The following RSBN1L variants were observed in gnomAD, a reference collection of about 807,000 sequenced individuals.
The protein encoded by RSBN1L is lysine-specific demethylase RSBN1L.
A neutral mutation model predicts 67.7 loss-of-function variants in RSBN1L; 30 were observed. The observed-to-expected ratio is 0.44, with a 90% confidence interval of 0.33 to 0.60. The LOEUF is 0.60. Among genes scored for constraint, RSBN1L ranks in the 20% least tolerant of loss-of-function variants. The pLI is 0.02. For missense variants in RSBN1L, 992 were observed against 1,031.7 expected (o/e 0.96, Z 0.53); for synonymous variants, 433 against 387.0 (o/e 1.12, Z -1.39).
intron 1 of RSBN1L, among the ~76,000 whole-genome samples, chr7:77,707,723 T>C (rs1790914202): frequency 6.6e-6 from 1 of 152,228 alleles, no homozygotes; most frequent in Non-Finnish European, 1.5e-5. Flanking sequence ...CAAGCACTTC[T>C]TTCTTTTTTT....
At chr7:77,725,236 GCCC>G (rs1325515624) in intron 1 of RSBN1L, among the ~76,000 whole-genome samples, 1 of 84,532 alleles carries the variant, frequency 1.2e-5, no homozygotes, top group Non-Finnish European at 2.4e-5. Flanking sequence ...CTAGGGATAA[GCCC>G]CCCACTTTTT....
chr7:77,723,166 A>G (rs971461919), intron 1 of RSBN1L, among the ~76,000 whole-genome samples: 14 of 151,840 alleles, frequency 9.2e-5, no homozygotes, highest in African/African-American at 3.1e-4. Flanking sequence ...GGGTTTCACT[A>G]TGTTGGCCAG....
chr7:77,761,730 G>A (rs1362608195), intron 3 of RSBN1L, among the ~76,000 whole-genome samples: 1 of 152,034 alleles, frequency 6.6e-6, no homozygotes, highest in Non-Finnish European at 1.5e-5. Flanking sequence ...TAAGTTAATG[G>A]TTACAACTGA....
chr7:77,705,508 T>C (rs1406535323), intron 1 of RSBN1L, among the ~76,000 whole-genome samples: 2 of 129,274 alleles, frequency 1.5e-5, no homozygotes, highest in Non-Finnish European at 3.2e-5. Flanking sequence ...TCCATTGTAA[T>C]GGTTTTTTTT....
Position 77,778,705 on chromosome 7 carries a change from A to G in RSBN1L, c.2078A>G (p.Tyr693Cys). 1.9e-6 allele frequency: 3 copies of G among 1,614,112 alleles called. No homozygotes were observed. Among genetic ancestry groups the G allele is most frequent in the Middle Eastern group, 3.3e-4 (2 of 6,060 alleles). The stretch of plus-strand genomic sequence containing the variant: ...GCATGGCATATTCGGCTCAAATTAT[A>G]TCACTCAGAGGAGGACACTTCTCAG... ...SLAWHIRLKL[Y>C]HSEEDTSQNT... Residue 693 changes from tyrosine to cysteine, a missense_variant, in exon 8 of 8, where the codon TAT becomes TGT. Transcript: ENST00000334955.
intron 3 of RSBN1L, among the ~76,000 whole-genome samples, chr7:77,758,851 G>A (rs115651347): frequency 0.019 from 2,943 of 152,264 alleles, 82 homozygotes; most frequent in African/African-American, 0.066. Context: ...TTAGATTTCT[G>A]TCTTGTCACT....
intron 6 of RSBN1L, among the ~76,000 whole-genome samples, chr7:77,774,524 C>G (rs1310716623): frequency 3.9e-5 from 6 of 152,144 alleles, no homozygotes; most frequent in Admixed American, 3.9e-4. Flanking sequence ...GTCAGGAGTT[C>G]AACACCAGCC....
In RSBN1L at chr7:77,696,622, G is replaced by A; in HGVS notation, c.153G>A (p.Lys51=). The A allele has an allele frequency of 1.2e-6, 2 of 1,614,066 alleles. No individual in the cohort carries two copies. The highest frequency in any genetic ancestry group is 8.5e-7 in the Non-Finnish European group (1 of 1,179,968). Residue 51 remains lysine (K), a synonymous_variant, in exon 1 of 8, where the codon AAG becomes AAA. Coordinates refer to ENST00000334955, the MANE Select transcript of RSBN1L (RefSeq NM_198467.3). ...AGAAGGTCCGGACTGAGGAGAAGAA[G>A]GCACCGCGGAGAGTGAACGGAGAAG... ...SAKKVRTEEK[K]APRRVNGEGG...
At chr7:77,771,256 TA>T (rs1791845444) in intron 5 of RSBN1L, among the ~76,000 whole-genome samples, 1 of 152,156 alleles carries the variant, frequency 6.6e-6, no homozygotes, top group African/African-American at 2.4e-5. Context: ...TTAGATTACC[TA>T]AAGACGGTTT....
intron 3 of RSBN1L, among the ~76,000 whole-genome samples, chr7:77,763,477 T>C (rs531170445): frequency 5.2e-4 from 79 of 152,208 alleles, no homozygotes; most frequent in Admixed American, 2.3e-3. Flanking sequence ...GAGTTGAGAT[T>C]GATACCCTTA....
Position 77,696,519 on chromosome 7 carries a change from C to A in RSBN1L, c.50C>A (p.Thr17Asn), listed in dbSNP as rs565275242. Residue 17 changes from threonine to asparagine, a missense_variant, in exon 1 of 8, where the codon ACC becomes AAC. Thr to Asn is a moderately conservative substitution (Grantham distance 65). Transcript: ENST00000334955. ...CACTGTGTCGCTGCCGCGGCCCCCACCGCCACCGTCTCGGAGAAAGAACCG... is the reference window on the plus strand; with the variant it reads ...CACTGTGTCGCTGCCGCGGCCCCCAACGCCACCGTCTCGGAGAAAGAACCG... ...PVHCVAAAAP[T>N]ATVSEKEPFG... 70 of 1,613,778 alleles carry A rather than the reference C, an allele frequency of 4.3e-5. No homozygotes were observed. In the South Asian group the frequency reaches 7.5e-4, roughly 17 times the overall value.
At chr7:77,773,991 A>G (rs1791879456) in intron 6 of RSBN1L, among the ~76,000 whole-genome samples, 1 of 152,176 alleles carries the variant, frequency 6.6e-6, no homozygotes, top group Non-Finnish European at 1.5e-5. Flanking sequence ...GGGCTGTCAA[A>G]TAATTTTTTT....
chr7:77,720,872 T>G (rs995893813), intron 1 of RSBN1L, among the ~76,000 whole-genome samples: 4 of 144,126 alleles, frequency 2.8e-5, no homozygotes, highest in Non-Finnish European at 6.0e-5. Context: ...TTCTCATCCC[T>G]CAGCCTCCTG....
chr7:77,774,393 G>A (rs181541768), intron 6 of RSBN1L, among the ~76,000 whole-genome samples: 4 of 152,172 alleles, frequency 2.6e-5, no homozygotes, highest in Admixed American at 6.5e-5. Flanking sequence ...TTCGAGACCA[G>A]CCTGGACAAC....
chr7:77,756,545 G>A (rs1791620998), intron 3 of RSBN1L, among the ~76,000 whole-genome samples: 1 of 152,144 alleles, frequency 6.6e-6, no homozygotes, highest in Non-Finnish European at 1.5e-5. Context: ...GGGAGGCTGA[G>A]CTGGGCGGAT....
At chr7:77,697,619 C>T (rs188677064) in intron 1 of RSBN1L, among the ~76,000 whole-genome samples, 34 of 152,212 alleles carry the variant, frequency 2.2e-4, no homozygotes, top group Non-Finnish European at 4.3e-4. Context: ...TCGTAAGGTA[C>T]CCTCCCTGCA....
rs1790740140 is a variant in RSBN1L at position 77,696,924 on chromosome 7, C to T, written c.455C>T (p.Ser152Leu). 1 of 1,602,188 alleles carries T rather than the reference C, an allele frequency of 6.2e-7. No homozygotes were observed. The highest frequency in any genetic ancestry group is 8.5e-7 in the Non-Finnish European group (1 of 1,179,238). Residue 152 changes from serine (S) to leucine (L), a missense_variant, in exon 1 of 8, where the codon TCG becomes TTG. Ser to Leu is a moderately radical substitution (Grantham distance 145, BLOSUM62 -2). Coordinates refer to ENST00000334955, the MANE Select transcript of RSBN1L (RefSeq NM_198467.3). Reference protein sequence around the residue: ...LLLPAAAAAASANAKSRRPKE... With the variant: ...LLLPAAAAAALANAKSRRPKE... ...CTGCCCGCCGCCGCCGCCGCTGCCT[C>T]GGCTAACGCCAAGTCGCGCAGACCT...
At chr7:77,775,831 G>A (rs540965203) in intron 6 of RSBN1L, among the ~76,000 whole-genome samples, 4 of 151,836 alleles carry the variant, frequency 2.6e-5, no homozygotes, top group Admixed American at 1.3e-4. Flanking sequence ...CAAGGCGGGC[G>A]GATCACCTGA....
At chr7:77,697,592 G>T (rs1176751655) in intron 1 of RSBN1L, among the ~76,000 whole-genome samples, 1 of 152,088 alleles carries the variant, frequency 6.6e-6, no homozygotes, top group Non-Finnish European at 1.5e-5. Flanking sequence ...AGCGTGCAGG[G>T]CCCGAAGTGC....
Sources: allele counts gnomAD v4.1 joint callset (sites outside exome capture counted in the v4.1 genomes callset), GRCh38; gene constraint gnomAD v4.1.1; transcripts MANE v1.5; gene names NCBI Gene and HGNC (gene_info 2026-07-23, HGNC 2026-07-21).